The following DPYSL5 variants were observed in gnomAD, a reference collection of about 807,000 sequenced individuals.
DPYSL5 encodes the protein dihydropyrimidinase like 5.
A neutral mutation model predicts 58.4 loss-of-function variants in DPYSL5; 9 were observed. The ratio of observed to expected loss-of-function variants is 0.15; its 90% confidence interval spans 0.09 to 0.27. DPYSL5 has a LOEUF of 0.27. DPYSL5 is among the 10% of genes least tolerant of loss of function. The pLI is 1.00. For synonymous variants in DPYSL5, 293 were observed against 301.9 expected (o/e 0.97, Z 0.31); for missense variants, 499 against 770.6 (o/e 0.65, Z 4.17).
chr2:26,875,304 A>G (rs1247322030), intron 1 of DPYSL5, among the ~76,000 whole-genome samples: 2 of 152,186 alleles, frequency 1.3e-5, no homozygotes, highest in African/African-American at 4.8e-5. Context: ...CCATTGGGTA[A>G]CCCAAGTGGG....
In DPYSL5 at chr2:26,892,085, C is replaced by T. The variant is rs148025088; in HGVS notation, c.-4-6411C>T. On this transcript the variant is annotated intron_variant, in intron 1 of 12. Transcript: ENST00000288699. ...GAAGGACATAAAACTCACCTGGAAACCTTCTACCCAGAGTTAATTCCCTTA... is the reference window on the plus strand; with the variant it reads ...GAAGGACATAAAACTCACCTGGAAATCTTCTACCCAGAGTTAATTCCCTTA... Among the ~76,000 whole-genome samples the T allele has an allele frequency of 2.4e-3, 372 of 152,312 alleles. 3 individuals are homozygous for T. Among genetic ancestry groups the T allele is most frequent in the African/African-American group, 8.7e-3 (362 of 41,568 alleles).
At chr2:26,931,203 G>GTGTGTGTGTGTATATATATATA (rs1474347605) in intron 5 of DPYSL5, among the ~76,000 whole-genome samples, 1 of 44,910 alleles carries the variant, frequency 2.2e-5, no homozygotes, top group Non-Finnish European at 4.3e-5. Flanking sequence ...GTGTGTGTGT[G>GTGTGTGTGTGTATATATATATA]TATATATATA....
chr2:26,867,459 G>GT (rs5830029), intron 1 of DPYSL5, among the ~76,000 whole-genome samples: 4,098 of 128,652 alleles, frequency 0.032, 104 homozygotes, highest in African/African-American at 0.063. Context: ...TTTTTTGTTT[G>GT]TTTTTTTTTT....
chr2:26,876,277 T>A (rs1432091647), intron 1 of DPYSL5, among the ~76,000 whole-genome samples: 1 of 152,178 alleles, frequency 6.6e-6, no homozygotes. Flanking sequence ...CTACCCCTCC[T>A]GGAGGTAGCC....
chr2:26,904,116 G>C (rs151197433), intron 2 of DPYSL5, among the ~76,000 whole-genome samples: 1 of 152,198 alleles, frequency 6.6e-6, no homozygotes, highest in Non-Finnish European at 1.5e-5. Context: ...AGCCAGTCTC[G>C]CAGGCTAGGG....
rs779703097 is a variant in DPYSL5, at chr2:26,940,024, T to A, written c.948-7T>A. 6.2e-7 allele frequency: 1 copy of A among 1,613,956 alleles called. No individual in the cohort carries two copies. Among genetic ancestry groups the A allele is most frequent in the Non-Finnish European group, 8.5e-7 (1 of 1,179,898 alleles). ...CCCTTACTGGTCACCTCCTTTTCTC[T>A]ACCCAGTGACACTCTGAACATCGTG... is the stretch of plus-strand genomic sequence containing the variant. On this transcript the variant is annotated splice_polypyrimidine_tract_variant and splice_region_variant and intron_variant, in intron 8 of 12. Coordinates refer to ENST00000288699, the MANE Select transcript of DPYSL5 (RefSeq NM_020134.4).
intron 1 of DPYSL5, among the ~76,000 whole-genome samples, chr2:26,897,117 G>A (rs114327464): frequency 6.3e-4 from 96 of 152,256 alleles, no homozygotes; most frequent in African/African-American, 2.2e-3. Flanking sequence ...CATCTGCAAC[G>A]AGGGACAGTT....
chr2:26,931,199 G>GTATATATATATATATATATATATA (rs1287075956), intron 5 of DPYSL5, among the ~76,000 whole-genome samples: 2 of 52,868 alleles, frequency 3.8e-5, no homozygotes, highest in African/African-American at 6.1e-5. Flanking sequence ...GTGTGTGTGT[G>GTATATATATATATATATATATATA]TGTGTATATA....
rs1258056832 is a variant in DPYSL5, at chr2:26,927,840, G to C, written c.600+408G>C. Among the ~76,000 whole-genome samples the C allele has an allele frequency of 1.3e-5, 2 of 152,164 alleles. No homozygotes were observed. The highest frequency in any genetic ancestry group is 4.8e-5 in the African/African-American group (2 of 41,430). ...TTAAAGAGATCTATTCATGGCACCA[G>C]GAAGGATAAGCCTCTGGTGCATTCT... On this transcript the variant is annotated intron_variant, in intron 4 of 12. Transcript: ENST00000288699. This position sits in a 1 kb window ranked among gnomAD's most constrained non-coding sequence, Gnocchi z 4.3.
intron 1 of DPYSL5, among the ~76,000 whole-genome samples, chr2:26,886,510 T>C (rs1274721888): frequency 6.6e-6 from 1 of 152,228 alleles, no homozygotes; most frequent in East Asian, 1.9e-4. Context: ...CTACTAATTA[T>C]ACAATTTTGC....
At position 26,898,800 on chromosome 2, in the gene DPYSL5, T is replaced by A; in HGVS notation, c.261+40T>A. The A allele has an allele frequency of 6.4e-7, 1 of 1,568,796 alleles. No individual in the cohort carries two copies. The highest frequency in any genetic ancestry group is 1.2e-5 in the South Asian group (1 of 82,834). The stretch of plus-strand genomic sequence containing the variant: ...TGCCAAAGGTGGCTTCCTCTTTGGC[T>A]TTTTTATTCTGCTTCTAGGGCTGCT... On this transcript the variant is annotated intron_variant, in intron 2 of 12. Transcript: ENST00000288699. This position sits in a 1 kb window ranked among gnomAD's most constrained non-coding sequence, Gnocchi z 6.1.
Position 26,947,031 on chromosome 2 carries a change from C to T in DPYSL5, c.*36C>T, listed in dbSNP as rs761831372. 7 of 1,513,482 alleles carry T rather than the reference C, an allele frequency of 4.6e-6. No homozygotes were observed. The highest frequency in any genetic ancestry group is 2.7e-5 in the African/African-American group (2 of 72,920). The allele number at this position is 1,513,482 out of a possible 1,614,324, so 93.8% of individuals were successfully genotyped here. On this transcript the variant is annotated 3_prime_UTR_variant, in exon 13 of 13. Coordinates refer to ENST00000288699, the MANE Select transcript of DPYSL5 (RefSeq NM_020134.4). This position sits in a 1 kb window ranked among gnomAD's most constrained non-coding sequence, Gnocchi z 4.2. The stretch of plus-strand genomic sequence containing the variant: ...AAGCCCCCCGAGTGAGGACGCACCG[C>T]CGCCACCAGCCCGCAACTCTCCAGC...
intron 8 of DPYSL5, among the ~76,000 whole-genome samples, chr2:26,937,511 A>G (rs1665209178): frequency 6.6e-6 from 1 of 152,224 alleles, no homozygotes; most frequent in Non-Finnish European, 1.5e-5. Flanking sequence ...TATTATTCCT[A>G]TAAGAAAATA....
Position 26,877,299 on chromosome 2 carries a change from C to CTATT in DPYSL5, c.-4-21183_-4-21180dup, listed in dbSNP as rs1241552484. ...CTTTATTATAACAATATTTTTATTT[C>CTATT]TATTTATTTATTTATTTTTTTAAGG... On this transcript the variant is annotated intron_variant, in intron 1 of 12. Coordinates refer to ENST00000288699, the MANE Select transcript of DPYSL5 (RefSeq NM_020134.4). This position sits in a 1 kb window ranked among gnomAD's most constrained non-coding sequence, Gnocchi z 4.1. 1.3e-5 allele frequency among the ~76,000 whole-genome samples: 2 copies of CTATT among 152,044 alleles called. No homozygotes were observed. Among genetic ancestry groups the CTATT allele is most frequent in the African/African-American group, 2.4e-5 (1 of 41,398 alleles).
intron 1 of DPYSL5, among the ~76,000 whole-genome samples, chr2:26,868,253 A>T (rs1420544065): frequency 2.6e-5 from 4 of 152,132 alleles, no homozygotes; most frequent in African/African-American, 9.7e-5. Context: ...TATGCGCTGC[A>T]CATGTTTTCT....
intron 5 of DPYSL5, among the ~76,000 whole-genome samples, chr2:26,929,029 C>T (rs935215784): frequency 2.6e-5 from 4 of 151,974 alleles, no homozygotes; most frequent in African/African-American, 4.8e-5. Flanking sequence ...TGAACCGGTA[C>T]AGGACCGCAG....
At chr2:26,856,956 C>CATATATAATATATGTAATAAATATTA (rs1558319139) in intron 1 of DPYSL5, among the ~76,000 whole-genome samples, 3 of 143,630 alleles carry the variant, frequency 2.1e-5, no homozygotes, top group African/African-American at 8.3e-5. Context: ...ATATATTATA[C>CATATATAATATATGTAATAAATATTA]TAGTTTTCAA....
chr2:26,945,764 C>T (rs1485289074), intron 12 of DPYSL5, among the ~76,000 whole-genome samples: 8 of 152,230 alleles, frequency 5.3e-5, no homozygotes, highest in Non-Finnish European at 1.0e-4. Context: ...AGGCGCAAGA[C>T]CCTGGTCCTT....
At chr2:26,888,688 G>A (rs1228970991) in intron 1 of DPYSL5, among the ~76,000 whole-genome samples, 1 of 152,188 alleles carries the variant, frequency 6.6e-6, no homozygotes, top group Admixed American at 6.5e-5. Flanking sequence ...ATAACTGGAT[G>A]ATCAAAGTTT....
Sources: gnomAD v4.1 joint callset for allele counts (sites outside exome capture counted in the v4.1 genomes callset) on GRCh38, gnomAD v4.1.1 for gene constraint, Gnocchi (gnomAD v3.1) non-coding constraint, MANE v1.5 for transcripts, NCBI Gene and HGNC (gene_info 2026-07-23, HGNC 2026-07-21) for gene names.